Variants in MECR observed in about 807,000 individuals in gnomAD.
The protein encoded by MECR is enoyl-[acyl-carrier-protein] reductase, mitochondrial.
Under a neutral mutation model 49.1 loss-of-function variants are expected in MECR, and 37 were observed. The observed-to-expected ratio is 0.75, with a 90% CI of 0.58 to 0.99. The LOEUF is 0.99. MECR is among the 50% of genes least tolerant of loss of function. The probability of loss-of-function intolerance (pLI) is 0.00; values close to 1 mark genes in which losing one functional copy is unlikely to be tolerated. For synonymous variants in MECR, 198 were observed against 191.1 expected, an observed-to-expected ratio of 1.04 and a Z score of -0.30; for missense variants, 470 against 479.6, an observed-to-expected ratio of 0.98 and a Z score of 0.19.
intron 1 of MECR, among the ~76,000 whole-genome samples, chr1:29,216,981 A>G (rs1679570607): frequency 6.6e-6 from 1 of 151,788 alleles, no homozygotes; most frequent in Non-Finnish European, 1.5e-5. Context: ...CTAAAATACA[A>G]AAATTAGCTG....
chr1:29,188,010 C>A (rs1673063321), downstream of MECR, among the ~76,000 whole-genome samples: 1 of 117,940 alleles, frequency 8.5e-6, no homozygotes. Flanking sequence ...GCACTCCAGC[C>A]TGGGCAACAC....
At chr1:29,195,693 C>T (rs1673804076) in intron 9 of MECR, among the ~76,000 whole-genome samples, 1 of 152,206 alleles carries the variant, frequency 6.6e-6, no homozygotes, top group African/African-American at 2.4e-5. Context: ...TTTGGCTATC[C>T]ATCTTTCCCC....
rs1675794658 is a variant in MECR at position 29,203,331 on chromosome 1, C to T, written c.551-98G>A. ...ATCCTTCTGTAGGCAAGGGAGTCCT[C>T]AGGCTCAACAGGGACCCAGGACCTG... On this transcript the variant is annotated intron_variant, in intron 4 of 9. Transcript: ENST00000263702. 5.9e-6 allele frequency: 5 copies of T among 844,310 alleles called. No individual in the cohort carries two copies. The South Asian group carries it at 8.7e-5, about 15-fold the overall frequency. 52.3% of individuals were successfully genotyped at this position (844,310 alleles called of 1,614,324 possible).
chr1:29,202,468 G>A (rs977500968), intron 5 of MECR, among the ~76,000 whole-genome samples: 7 of 152,166 alleles, frequency 4.6e-5, no homozygotes, highest in African/African-American at 1.2e-4. Context: ...TTATTTTTGC[G>A]AGTACAACTG....
At chr1:29,181,943 G>C in the MECR span, 14 of 417,564 alleles carry the variant, frequency 3.4e-5, no homozygotes, top group Non-Finnish European at 4.9e-5. Flanking sequence ...CCTTCCCCGA[G>C]GCGGAAGGTA....
At position 29,199,564 on chromosome 1, in the gene MECR, A is replaced by G. The variant is rs376036187; in HGVS notation, c.830+952T>C. On this transcript the variant is annotated intron_variant, in intron 7 of 9. Coordinates refer to ENST00000263702, the MANE Select transcript of MECR (RefSeq NM_016011.5). ...TTAAGGGAAAGAAGAATGGAAGGAC[A>G]TGCATTAATATTGTCAACAGGGCTT... 1.4e-4 allele frequency among the ~76,000 whole-genome samples: 21 copies of G among 152,176 alleles called. No homozygotes were observed. The East Asian group carries it at 3.7e-3, about 27-fold the overall frequency.
chr1:29,197,751 C>T (rs1214979342), intron 7 of MECR, among the ~76,000 whole-genome samples: 1 of 152,248 alleles, frequency 6.6e-6, no homozygotes, highest in Non-Finnish European at 1.5e-5. Flanking sequence ...CCTCTCTCTT[C>T]TGTATCCCTG....
downstream of MECR, among the ~76,000 whole-genome samples, chr1:29,188,785 G>A (rs925661577): frequency 9.2e-5 from 14 of 151,826 alleles, no homozygotes; most frequent in Admixed American, 6.6e-4. Context: ...GATTACAGGC[G>A]CCCGCTACCA....
At chr1:29,170,004 A>C in the MECR span, 1 of 152,256 alleles carries the variant, frequency 6.6e-6, no homozygotes, top group African/African-American at 2.4e-5. Flanking sequence ...TTTACACTGC[A>C]AATAGTTTGT....
At chr1:29,189,497 G>A (rs1360312845), downstream of MECR, among the ~76,000 whole-genome samples, 1 of 152,244 alleles carries the variant, frequency 6.6e-6, no homozygotes, top group Non-Finnish European at 1.5e-5. Context: ...ACAGGCATGA[G>A]CCGCTGTGCC....
intron 3 of MECR, among the ~76,000 whole-genome samples, chr1:29,215,387 G>A (rs1284256030): frequency 1.3e-5 from 2 of 152,046 alleles, no homozygotes; most frequent in African/African-American, 4.8e-5. Flanking sequence ...AGACCAGCCT[G>A]GTCAACATGA....
rs905022060 is a variant in MECR at position 29,192,688 on chromosome 1, C to T, written c.*1334G>A. Among the ~76,000 whole-genome samples the T allele has an allele frequency of 4.6e-5, 7 of 152,076 alleles. No homozygotes were observed. Among genetic ancestry groups the T allele is most frequent in the Non-Finnish European group, 8.8e-5 (6 of 68,026 alleles). On this transcript the variant is annotated 3_prime_UTR_variant, in exon 10 of 10. Transcript: ENST00000263702. ...TGTTCTTTGCTTTGAGCAAATGAATCGTGAAGCAAATACCAAAAAGTCACG... is the reference window on the plus strand; with the variant it reads ...TGTTCTTTGCTTTGAGCAAATGAATTGTGAAGCAAATACCAAAAAGTCACG...
chr1:29,212,951 G>A (rs1024445066), intron 3 of MECR, among the ~76,000 whole-genome samples: 5 of 152,130 alleles, frequency 3.3e-5, no homozygotes, highest in Admixed American at 3.3e-4. Context: ...CACACACGCT[G>A]CACTCTGTGC....
In MECR at chr1:29,201,928, C is replaced by A; in HGVS notation, c.756+15G>T. ...GTGCGTGGACTGGAGGGGCAATGTC[C>A]CTCTTCCTAGGTACCTTAAAGAAGT... On this transcript the variant is annotated intron_variant, in intron 6 of 9. Coordinates refer to ENST00000263702, the MANE Select transcript of MECR (RefSeq NM_016011.5). The surrounding 1 kb of genome is among the most constrained non-coding windows in gnomAD (Gnocchi z 4.3). 6.2e-7 allele frequency: 1 copy of A among 1,600,592 alleles called. No homozygotes were observed. The highest frequency in any genetic ancestry group is 8.6e-7 in the Non-Finnish European group (1 of 1,167,698).
At chr1:29,207,599 A>C (rs1017056595) in intron 3 of MECR, among the ~76,000 whole-genome samples, 11 of 151,496 alleles carry the variant, frequency 7.3e-5, no homozygotes, top group Admixed American at 3.3e-4. Context: ...AAAAAAAATT[A>C]GCTGGGCATA....
chr1:29,203,219 G>A lies in MECR; in HGVS notation c.565C>T (p.Gln189Ter). 1.3e-6 allele frequency: 2 copies of A among 1,579,630 alleles called. No homozygotes were observed. Among genetic ancestry groups the A allele is most frequent in the Non-Finnish European group, 1.7e-6 (2 of 1,158,922 alleles). Residue 189 changes from glutamine to a stop codon, truncating the protein, a stop_gained, in exon 5 of 10, where the codon CAG becomes TAG. Transcript: ENST00000263702. LOFTEE classifies it high-confidence loss of function. Reference protein sequence around the residue: ...EQLQPGDSVIQNASNSGVGQA... With the variant: ...EQLQPGDSVI ...CCCACTCCGCTGTTGGATGCATTCT[G>A]GATGACAGAATCCCCTGTGGAGCCA... is the stretch of plus-strand genomic sequence containing the variant.
At chr1:29,184,220 A>G in the MECR span, among the ~76,000 whole-genome samples, 119,113 of 144,438 alleles carry the variant, frequency 0.82, 49,749 homozygotes, top group Middle Eastern at 0.9. Context: ...CTGTTGCCCA[A>G]GATGGAGTGT....
the MECR span, among the ~76,000 whole-genome samples, chr1:29,176,785 G>A: frequency 6.6e-6 from 1 of 152,116 alleles, no homozygotes; most frequent in South Asian, 2.1e-4. Context: ...AAATTTTCTG[G>A]TAATAATTAG....
chr1:29,187,418 G>A, the MECR span, among the ~76,000 whole-genome samples: 1 of 151,332 alleles, frequency 6.6e-6, no homozygotes, highest in Non-Finnish European at 1.5e-5. Context: ...GTTTCACTAT[G>A]TTGGCTGGTC....
Sources: gnomAD v4.1 joint callset for allele counts (sites outside exome capture counted in the v4.1 genomes callset) on GRCh38, gnomAD v4.1.1 for gene constraint, Gnocchi (gnomAD v3.1) non-coding constraint, MANE v1.5 for transcripts, NCBI Gene and HGNC (gene_info 2026-07-23, HGNC 2026-07-21) for gene names.